ANKH: variants seen among roughly 807,000 people sequenced by gnomAD.
The protein encoded by ANKH is ANKH inorganic pyrophosphate transport regulator, also known as mineralization regulator ANKH.
A neutral mutation model predicts 49.0 loss-of-function variants in ANKH; 15 were observed. The ratio of observed to expected loss-of-function variants is 0.31; its 90% confidence interval spans 0.20 to 0.47. The LOEUF (loss-of-function observed/expected upper bound fraction) is 0.47, where lower values mean the gene tolerates loss of function less well. ANKH is among the 20% of genes least tolerant of loss of function. ANKH has a pLI of 1.00. For missense variants in ANKH, 429 were observed against 652.0 expected, an observed-to-expected ratio of 0.66 and a Z score of 3.72; for synonymous variants, 273 against 260.0, an observed-to-expected ratio of 1.05 and a Z score of -0.48.
At chr5:14,716,004 C>CT (rs754816502) in intron 9 of ANKH, among the ~76,000 whole-genome samples, 1 of 152,122 alleles carries the variant, frequency 6.6e-6, no homozygotes, top group East Asian at 1.9e-4. Flanking sequence ...CTCTATTTTT[C>CT]TTTTTTTGAT....
At chr5:14,749,040 C>T (rs1319649931) in intron 6 of ANKH, 132 bp downstream of exon 6, 21 of 1,308,876 alleles carry the variant, frequency 1.6e-5, no homozygotes, top group Non-Finnish European at 3.2e-6. Flanking sequence ...TTTATGGCTT[C>T]CTAGTGTGAC....
intron 1 of ANKH, chr5:14,798,434 G>A (rs1262190498): frequency 6.5e-6 from 10 of 1,533,024 alleles, no homozygotes; most frequent in East Asian, 4.8e-5. Flanking sequence ...TCCTGGGGTC[G>A]AGCGTTGTGG....
At chr5:14,729,477 G>A (rs1219928710) in intron 8 of ANKH, among the ~76,000 whole-genome samples, 23 of 148,490 alleles carry the variant, frequency 1.5e-4, no homozygotes, top group Non-Finnish European at 3.1e-4. Flanking sequence ...TTGTGCCACC[G>A]CGCCTGACCA....
chr5:14,717,946 CA>C (rs1737533620), intron 8 of ANKH, among the ~76,000 whole-genome samples: 1 of 152,134 alleles, frequency 6.6e-6, no homozygotes, highest in African/African-American at 2.4e-5. Context: ...TCAATCTGTA[CA>C]TGGAAAACGG....
intron 1 of ANKH, among the ~76,000 whole-genome samples, chr5:14,780,136 G>A (rs964315400): frequency 4.0e-5 from 6 of 151,658 alleles, no homozygotes; most frequent in Non-Finnish European, 7.4e-5. Flanking sequence ...GTGAATGAAC[G>A]GTGCCTGGAT....
At chr5:14,807,508 A>T (rs1358758370) in intron 1 of ANKH, among the ~76,000 whole-genome samples, 2 of 152,182 alleles carry the variant, frequency 1.3e-5, no homozygotes, top group African/African-American at 4.8e-5. Flanking sequence ...CTTCCTAGGT[A>T]CCGATCCTTA....
At chr5:14,778,191 G>A (rs538321200) in intron 1 of ANKH, among the ~76,000 whole-genome samples, 26 of 152,324 alleles carry the variant, frequency 1.7e-4, no homozygotes, top group Non-Finnish European at 2.9e-5. Flanking sequence ...CCTGGAGGTA[G>A]CTGTGCATTC....
At chr5:14,768,110 G>C (rs1739310942) in intron 2 of ANKH, 1 of 152,214 alleles carries the variant, frequency 6.6e-6, no homozygotes, top group Admixed American at 6.5e-5. Context: ...CAGATTCGCA[G>C]TTATGTGAGT....
chr5:14,848,627 C>T (rs548395606), intron 1 of ANKH, among the ~76,000 whole-genome samples: 6 of 152,192 alleles, frequency 3.9e-5, no homozygotes, highest in African/African-American at 1.2e-4. Context: ...CGCCCACTGC[C>T]GCTCCCGATC....
At chr5:14,777,158 C>G (rs927719274) in intron 1 of ANKH, among the ~76,000 whole-genome samples, 7 of 150,870 alleles carry the variant, frequency 4.6e-5, no homozygotes, top group Non-Finnish European at 1.0e-4. Context: ...GGTGGGGGGG[C>G]ACCTGTAATT....
At chr5:14,810,157 T>G (rs1409775618) in intron 1 of ANKH, among the ~76,000 whole-genome samples, 1 of 138,786 alleles carries the variant, frequency 7.2e-6, no homozygotes, top group African/African-American at 2.6e-5. Context: ...TAAAAACGAT[T>G]GACTTTTTTT....
intron 1 of ANKH, among the ~76,000 whole-genome samples, chr5:14,769,902 C>T (rs1288694462): frequency 6.6e-6 from 1 of 152,106 alleles, no homozygotes; most frequent in Non-Finnish European, 1.5e-5. Context: ...TTGTAAAATA[C>T]CCTGACTACT....
chr5:14,815,098 T>C (rs1313133805), intron 1 of ANKH, among the ~76,000 whole-genome samples: 2 of 152,170 alleles, frequency 1.3e-5, no homozygotes, highest in Non-Finnish European at 2.9e-5. Context: ...ATTCTGTAAT[T>C]CTGTAAACTG....
intron 1 of ANKH, among the ~76,000 whole-genome samples, chr5:14,822,951 G>A (rs931960559): frequency 1.3e-4 from 20 of 151,854 alleles, no homozygotes; most frequent in African/African-American, 3.4e-4. Flanking sequence ...GGAGAATGGC[G>A]TGAACCCGGA....
At chr5:14,863,866 G>T (rs1294822155) in intron 1 of ANKH, among the ~76,000 whole-genome samples, 1 of 152,088 alleles carries the variant, frequency 6.6e-6, no homozygotes, top group African/African-American at 2.4e-5. Context: ...TTACAACTGG[G>T]CTTGTCTCAT....
At chr5:14,775,435 C>G (rs1203422503) in intron 1 of ANKH, among the ~76,000 whole-genome samples, 2 of 152,136 alleles carry the variant, frequency 1.3e-5, no homozygotes, top group Admixed American at 6.6e-5. Flanking sequence ...AAAGTTATGT[C>G]AATGTGGTCT....
intron 1 of ANKH, among the ~76,000 whole-genome samples, chr5:14,812,786 A>T (rs1220741352): frequency 6.6e-6 from 1 of 152,164 alleles, no homozygotes; most frequent in African/African-American, 2.4e-5. Context: ...TGTCAGAATA[A>T]TTTTTTTCTT....
At chr5:14,831,943 A>G (rs1241264533) in intron 1 of ANKH, among the ~76,000 whole-genome samples, 2 of 152,222 alleles carry the variant, frequency 1.3e-5, no homozygotes, top group Non-Finnish European at 2.9e-5. Flanking sequence ...ATAAATTACA[A>G]GACATACTTT....
At chr5:14,864,185 C>A (rs1435145782) in intron 1 of ANKH, among the ~76,000 whole-genome samples, 1 of 152,194 alleles carries the variant, frequency 6.6e-6, no homozygotes. Flanking sequence ...TGTTCTCCAG[C>A]CTGGGCCACA....
Sources: gnomAD v4.1 joint callset for allele counts (sites outside exome capture counted in the v4.1 genomes callset) on GRCh38, gnomAD v4.1.1 for gene constraint, MANE v1.5 for transcripts, NCBI Gene and HGNC (gene_info 2026-07-23, HGNC 2026-07-21) for gene names.